Variants in PLB1 observed in about 807,000 individuals in gnomAD.
PLB1 encodes phospholipase B1.
In PLB1, 242 loss-of-function variants were observed where a neutral mutation model predicts 227.4. That is an observed-to-expected ratio of 1.06 (90% confidence interval 0.96 to 1.18). The LOEUF (loss-of-function observed/expected upper bound fraction) is 1.18. Ranked by LOEUF, PLB1 falls within the 50% of genes most tolerant of loss-of-function variation. The pLI is 0.00. For missense variants in PLB1, 1,858 were observed against 1,816.3 expected (o/e 1.02, Z -0.42); for synonymous variants, 757 against 682.2 (o/e 1.11, Z -1.71).
At chr2:28,512,127 A>G (rs1291342857) in intron 1 of PLB1, among the ~76,000 whole-genome samples, 1 of 121,774 alleles carries the variant, frequency 8.2e-6, no homozygotes, top group African/African-American at 3.2e-5. Flanking sequence ...CTCATATTAC[A>G]TGTATGTTTT....
intron 6 of PLB1, among the ~76,000 whole-genome samples, chr2:28,528,591 TG>T (rs1451110570): frequency 6.6e-6 from 1 of 152,218 alleles, no homozygotes; most frequent in Non-Finnish European, 1.5e-5. Context: ...CCCAGAACTC[TG>T]GTTCAAACCC....
chr2:28,640,229 CT>C (rs1487204262), intron 56 of PLB1, among the ~76,000 whole-genome samples: 4 of 152,180 alleles, frequency 2.6e-5, no homozygotes, highest in Admixed American at 6.5e-5. Flanking sequence ...GTGCCAGGGG[CT>C]CATTCTTCTC....
chr2:28,555,923 T>C (rs1458628571), intron 17 of PLB1, among the ~76,000 whole-genome samples: 1 of 149,684 alleles, frequency 6.7e-6, no homozygotes, highest in Non-Finnish European at 1.5e-5. Context: ...GGCTGGAGTG[T>C]AGTGGTGCGA....
chr2:28,532,554 C>A (rs1053297332), intron 9 of PLB1, among the ~76,000 whole-genome samples: 1 of 152,120 alleles, frequency 6.6e-6, no homozygotes, highest in Non-Finnish European at 1.5e-5. Flanking sequence ...ATAACTGTCA[C>A]AAGGAACAGG....
intron 4 of PLB1, among the ~76,000 whole-genome samples, chr2:28,520,801 C>T (rs1669428004): frequency 6.6e-6 from 1 of 152,018 alleles, no homozygotes. Flanking sequence ...GGTGAAACCC[C>T]ATCTTTACTA....
intron 9 of PLB1, among the ~76,000 whole-genome samples, chr2:28,534,889 GTC>G (rs1399545635): frequency 6.7e-6 from 1 of 148,282 alleles, no homozygotes; most frequent in Admixed American, 6.7e-5. Context: ...GAAAAAAACA[GTC>G]TCAAGAAAAG....
At position 28,601,265 on chromosome 2, in the gene PLB1, A is replaced by G. The variant is rs1417547544; in HGVS notation, c.2540A>G (p.His847Arg). 3 of 1,613,696 alleles carry G rather than the reference A, an allele frequency of 1.9e-6. No individual in the cohort carries two copies. Among genetic ancestry groups the G allele is most frequent in the East Asian group, 2.2e-5 (1 of 44,884 alleles). Residue 847 changes from histidine to arginine, a missense_variant, in exon 37 of 58, where the codon CAT becomes CGT. Transcript: ENST00000327757. Reference sequence around the variant, plus strand: ...CCCTCCATATAGAGAGTAAATTTCCATGAAGACTGGAAGGTCATCACAGTG... The same window carrying G: ...CCCTCCATATAGAGAGTAAATTTCCGTGAAGACTGGAAGGTCATCACAGTG... Reference protein sequence around the residue: ...KMKDDHRVNFHEDWKVITVLI... With the variant: ...KMKDDHRVNFREDWKVITVLI...
intron 53 of PLB1, 32 bp from the exon 54 acceptor site, chr2:28,630,554 G>T (rs376534826): frequency 6.3e-7 from 1 of 1,593,800 alleles, no homozygotes; most frequent in African/African-American, 1.3e-5. Flanking sequence ...AGTGCCCCAG[G>T]CAGCCTCAAT....
chr2:28,571,552 A>G (rs1013712683), intron 20 of PLB1, among the ~76,000 whole-genome samples: 127 of 98,656 alleles, frequency 1.3e-3, no homozygotes, highest in Non-Finnish European at 2.0e-3. Flanking sequence ...AAAAGTTACT[A>G]TAAAGCTATA....
chr2:28,591,060 C>T (rs1681829352), intron 29 of PLB1, 73 bp from the exon 30 acceptor site: 3 of 1,586,806 alleles, frequency 1.9e-6, no homozygotes, highest in South Asian at 1.1e-5. Context: ...GCCAGGCCGA[C>T]ACTTAACTGA....
intron 17 of PLB1, among the ~76,000 whole-genome samples, chr2:28,554,518 T>A (rs947142462): frequency 8.3e-5 from 11 of 131,906 alleles, no homozygotes; most frequent in South Asian, 2.6e-4. Context: ...TTTTTTTTTT[T>A]AAGAGATGGG....
intron 20 of PLB1, among the ~76,000 whole-genome samples, chr2:28,570,188 C>T (rs1232877612): frequency 1.3e-5 from 2 of 151,846 alleles, no homozygotes; most frequent in African/African-American, 4.8e-5. Context: ...TGAGTTTTAC[C>T]CTGATAGCAA....
chr2:28,579,739 C>T (rs1440783659), intron 23 of PLB1, 32 bp downstream of exon 23: 3 of 1,566,958 alleles, frequency 1.9e-6, no homozygotes, highest in Non-Finnish European at 2.6e-6. Context: ...TCAAGACTCA[C>T]CCCCAGAGAA....
At chr2:28,584,018 G>T (rs951738971) in intron 25 of PLB1, among the ~76,000 whole-genome samples, 3 of 152,150 alleles carry the variant, frequency 2.0e-5, no homozygotes, top group African/African-American at 7.2e-5. Flanking sequence ...CCTCTGGACT[G>T]TTAGCCAAGG....
intron 4 of PLB1, among the ~76,000 whole-genome samples, chr2:28,524,533 C>G (rs943241214): frequency 6.6e-6 from 1 of 152,188 alleles, no homozygotes; most frequent in Admixed American, 6.5e-5. Flanking sequence ...TTACAACACA[C>G]CCAGGCACTG....
In PLB1 at chr2:28,578,097, G is replaced by A. The variant is rs764421391; in HGVS notation, c.1434-10G>A. The A allele has an allele frequency of 1.2e-6, 2 of 1,613,856 alleles. No individual in the cohort carries two copies. The highest frequency in any genetic ancestry group is 2.2e-5 in the South Asian group (2 of 91,060). On this transcript the variant is annotated splice_polypyrimidine_tract_variant and intron_variant, in intron 21 of 57. Transcript: ENST00000327757. ...CTCCTCACAGCACTTCCTCTGGTAT[G>A]TTTCCACAGGGATCTACCTGTCCAG...
chr2:28,592,112 C>G (rs1259758704), intron 31 of PLB1, among the ~76,000 whole-genome samples: 1 of 152,194 alleles, frequency 6.6e-6, no homozygotes, highest in Non-Finnish European at 1.5e-5. Flanking sequence ...TCTGCAATCA[C>G]TGCCGCCTAC....
intron 2 of PLB1, 147 bp from the exon 3 acceptor site, chr2:28,518,319 A>AG: frequency 1.5e-6 from 1 of 660,824 alleles, no homozygotes; most frequent in Admixed American, 2.4e-5. Context: ...GTATGGGGTT[A>AG]GGAGAAAATG....
intron 20 of PLB1, among the ~76,000 whole-genome samples, chr2:28,567,266 C>A (rs1558780262): frequency 6.6e-6 from 1 of 152,112 alleles, no homozygotes; most frequent in Non-Finnish European, 1.5e-5. Flanking sequence ...AGATCACCCC[C>A]GCGAGAGGCA....
Sources: gnomAD v4.1 joint callset for allele counts (sites outside exome capture counted in the v4.1 genomes callset) on GRCh38, gnomAD v4.1.1 for gene constraint, MANE v1.5 for transcripts, NCBI Gene and HGNC (gene_info 2026-07-23, HGNC 2026-07-21) for gene names.